TRPV3: variants seen among roughly 807,000 people sequenced by gnomAD.
The protein encoded by TRPV3 is transient receptor potential cation channel subfamily V member 3.
In TRPV3, 88 loss-of-function variants were observed where a neutral mutation model predicts 87.1. That is an observed-to-expected ratio of 1.01 (90% confidence interval 0.85 to 1.21). The LOEUF is 1.21. Among genes scored for constraint, TRPV3 ranks in the 50% most tolerant of loss-of-function variants. The pLI is 0.00. For missense variants in TRPV3, 1,054 were observed against 1,030.1 expected, an observed-to-expected ratio of 1.02 and a Z score of -0.32; for synonymous variants, 438 against 423.3, an observed-to-expected ratio of 1.03 and a Z score of -0.43.
In TRPV3 at chr17:3,520,976, C is replaced by T. The variant is rs771398631; in HGVS notation, c.1807G>A (p.Val603Ile). 5.6e-6 allele frequency: 9 copies of T among 1,595,106 alleles called. No individual in the cohort carries two copies. Among genetic ancestry groups the T allele is most frequent in the Non-Finnish European group, 3.4e-6 (4 of 1,164,294 alleles). ...VYIVFLLGFG[V>I]ALASLIEKCP... ...CTATTATTTATAAATCAATTACCTA[C>T]TCCAAATCCAAGCAAAAACACGATA... Residue 603 changes from valine to isoleucine, a missense_variant, in exon 14 of 18, where the codon GTA becomes ATA. Transcript: ENST00000576742.
intron 12 of TRPV3, among the ~76,000 whole-genome samples, chr17:3,525,181 G>A (rs559350644): frequency 2.7e-4 from 41 of 152,104 alleles, no homozygotes; most frequent in African/African-American, 9.4e-4. Context: ...CACCACACCA[G>A]GCTCATTTTT....
intron 6 of TRPV3, among the ~76,000 whole-genome samples, chr17:3,538,823 G>C (rs866711922): frequency 2.6e-5 from 4 of 152,184 alleles, no homozygotes; most frequent in Non-Finnish European, 4.4e-5. Context: ...GACCTCAAGT[G>C]ATCCACCTGC....
At position 3,513,990 on chromosome 17, in the gene TRPV3, G is replaced by A. The variant is rs1420041130; in HGVS notation, c.2300C>T (p.Ser767Phe). The change falls in exon 18 of 18, where the codon TCT becomes TTT. Residue 767 changes from serine to phenylalanine, a missense_variant. Ser to Phe is a radical substitution (Grantham distance 155, BLOSUM62 -2). Coordinates refer to ENST00000576742, the MANE Select transcript of TRPV3 (RefSeq NM_145068.4). ...AGTGGTTTTGCTGTTGTTCCTGGAAGAATCTTGGATTTTGTTGAAATCTGC... is the reference window on the plus strand; with the variant it reads ...AGTGGTTTTGCTGTTGTTCCTGGAAAAATCTTGGATTTTGTTGAAATCTGC... ...RRTDFNKIQD[S>F]SRNNSKTTLN... 1.9e-6 allele frequency: 3 copies of A among 1,613,888 alleles called. No homozygotes were observed. The highest frequency in any genetic ancestry group is 2.5e-6 in the Non-Finnish European group (3 of 1,179,868).
intron 6 of TRPV3, among the ~76,000 whole-genome samples, chr17:3,537,392 A>G (rs1254826886): frequency 6.6e-6 from 1 of 152,062 alleles, no homozygotes; most frequent in Non-Finnish European, 1.5e-5. Context: ...ACATATATAC[A>G]CACACACGTG....
intron 13 of TRPV3, among the ~76,000 whole-genome samples, chr17:3,522,152 A>G (rs1405039098): frequency 1.3e-5 from 2 of 152,188 alleles, no homozygotes; most frequent in African/African-American, 4.8e-5. Context: ...CCGTCCAGTT[A>G]TTTCACTATA....
chr17:3,551,147 A>G (rs1218874452), intron 2 of TRPV3, among the ~76,000 whole-genome samples: 1 of 152,244 alleles, frequency 6.6e-6, no homozygotes, highest in Non-Finnish European at 1.5e-5. Context: ...GAACAGCATG[A>G]GAAAGCCTCA....
chr17:3,553,680 C>T (rs774645974), intron 2 of TRPV3: 4 of 152,488 alleles, frequency 2.6e-5, no homozygotes, highest in Non-Finnish European at 5.9e-5. Context: ...GGCTAGTTCA[C>T]CTCTCTGTGG....
intron 12 of TRPV3, 24 bp from the exon 13 acceptor site, chr17:3,524,387 C>A: frequency 6.2e-7 from 1 of 1,612,532 alleles, no homozygotes; most frequent in South Asian, 1.1e-5. Flanking sequence ...ACAGGAGACA[C>A]GGGCCTTACT....
Position 3,513,225 on chromosome 17 carries a change from C to A in TRPV3, c.*692G>T, listed in dbSNP as rs1024289383. ...TAATTTTCATTCTCAACTGAAATGT[C>A]TTTTCCGTATTGCAAGTTAAAACCC... On this transcript the variant is annotated 3_prime_UTR_variant, in exon 18 of 18. Coordinates refer to ENST00000576742, the MANE Select transcript of TRPV3 (RefSeq NM_145068.4). 2 of 152,666 alleles carry A rather than the reference C, an allele frequency of 1.3e-5. No individual in the cohort carries two copies. Among genetic ancestry groups the A allele is most frequent in the African/African-American group, 4.8e-5 (2 of 41,454 alleles). 9.5% of individuals were successfully genotyped at this position (152,666 alleles called of 1,614,324 possible).
At chr17:3,536,312 G>A (rs1441249133) in intron 6 of TRPV3, among the ~76,000 whole-genome samples, 1 of 152,212 alleles carries the variant, frequency 6.6e-6, no homozygotes, top group Non-Finnish European at 1.5e-5. Context: ...CGAGACCAGT[G>A]AAGGAAATGA....
chr17:3,524,114 C>T, intron 13 of TRPV3, 84 bp downstream of exon 13: 1 of 1,548,742 alleles, frequency 6.5e-7, no homozygotes, highest in Non-Finnish European at 8.8e-7. Context: ...TGGTAAACCC[C>T]TCTTCCTCTC....
In TRPV3 at chr17:3,528,156, T is replaced by C. The variant is rs371311344; in HGVS notation, c.1402-30A>G. ...AGGGAAAGAAGAGGGGTGGTCAGTA[T>C]AGGAAGCAAGGAGGACAGGGCTGGC... On this transcript the variant is annotated intron_variant, in intron 10 of 17. Transcript: ENST00000576742. The surrounding 1 kb of genome is among the most constrained non-coding windows in gnomAD (Gnocchi z 4.2). The C allele has an allele frequency of 2.2e-5, 34 of 1,578,222 alleles. No individual in the cohort carries two copies. Among genetic ancestry groups the C allele is most frequent in the Non-Finnish European group, 2.6e-5 (30 of 1,155,236 alleles).
rs940980374 is a variant in TRPV3 at position 3,510,836 on chromosome 17, G to C, written c.*3081C>G. On this transcript the variant is annotated 3_prime_UTR_variant, in exon 18 of 18. Transcript: ENST00000576742. ...GTCACCAGGCCTTGAGGAAGGACAG[G>C]AATGTCAATAATAAAGGGCTCTCTC... 2 of 152,266 alleles carry C rather than the reference G, an allele frequency of 1.3e-5. No individual in the cohort carries two copies. The highest frequency in any genetic ancestry group is 4.8e-5 in the African/African-American group (2 of 41,470). The allele number at this position is 152,266 out of a possible 1,614,324, so 9.4% of individuals were successfully genotyped here.
intron 14 of TRPV3, among the ~76,000 whole-genome samples, chr17:3,519,611 T>TGGAG (rs2074220745): frequency 6.8e-6 from 1 of 146,140 alleles, no homozygotes; most frequent in Admixed American, 6.7e-5. Flanking sequence ...ACTGGATGGA[T>TGGAG]GGATGGATGG....
chr17:3,543,437 C>T (rs1417712838), intron 5 of TRPV3, 37 bp downstream of exon 5: 4 of 1,607,112 alleles, frequency 2.5e-6, no homozygotes, highest in Non-Finnish European at 3.4e-6. Flanking sequence ...AAGCAGGGCC[C>T]CCAGCCCTGC....
chr17:3,529,682 G>T (rs1478896356), intron 9 of TRPV3, among the ~76,000 whole-genome samples: 1 of 152,072 alleles, frequency 6.6e-6, no homozygotes, highest in Non-Finnish European at 1.5e-5. Context: ...ACCAACGGGG[G>T]GTGGGAGAGA....
At chr17:3,537,181 A>G (rs1351947638) in intron 6 of TRPV3, among the ~76,000 whole-genome samples, 1 of 152,118 alleles carries the variant, frequency 6.6e-6, no homozygotes, top group South Asian at 2.1e-4. Context: ...GCTGGAGTGC[A>G]GTGGCGTGAG....
At chr17:3,549,855 T>A (rs1399847482) in intron 2 of TRPV3, among the ~76,000 whole-genome samples, 2 of 150,874 alleles carry the variant, frequency 1.3e-5, no homozygotes, top group Middle Eastern at 3.6e-3. Flanking sequence ...GATGGGTGAA[T>A]AAATGACAGA....
In TRPV3 at chr17:3,530,124, T is replaced by C; in HGVS notation, c.1145A>G (p.Tyr382Cys). 1 of 1,614,164 alleles carries C rather than the reference T, an allele frequency of 6.2e-7. No individual in the cohort carries two copies. The highest frequency in any genetic ancestry group is 8.5e-7 in the Non-Finnish European group (1 of 1,180,004). The change falls in exon 9 of 18, where the codon TAC (tyrosine) becomes TGC (cysteine). Residue 382 changes from tyrosine (Y) to cysteine (C), a missense_variant. Tyr to Cys is a radical substitution (Grantham distance 194). Transcript: ENST00000576742. This position sits in a 1 kb window ranked among gnomAD's most constrained non-coding sequence, Gnocchi z 4.0. ...SLSRKFTDWA[Y>C]GPVSSSLYDL... ...GTAGAGGGAGGATGACACGGGTCCGTACGCCCAGTCGGTGAACTTCCTGGA... is the reference window on the plus strand; with the variant it reads ...GTAGAGGGAGGATGACACGGGTCCGCACGCCCAGTCGGTGAACTTCCTGGA...
Sources: gnomAD v4.1 joint callset for allele counts (sites outside exome capture counted in the v4.1 genomes callset) on GRCh38, gnomAD v4.1.1 for gene constraint, Gnocchi (gnomAD v3.1) non-coding constraint, MANE v1.5 for transcripts, NCBI Gene and HGNC (gene_info 2026-07-23, HGNC 2026-07-21) for gene names.